Variants in GLG1 observed in about 807,000 individuals in gnomAD.
GLG1 encodes the protein Golgi apparatus protein 1.
In GLG1, 38 loss-of-function variants were observed where a neutral mutation model predicts 160.5. The observed-to-expected ratio is 0.24, with a 90% CI of 0.18 to 0.31. The LOEUF (loss-of-function observed/expected upper bound fraction) is 0.31. GLG1 is among the 10% of genes least tolerant of loss of function. The pLI, the probability that GLG1 is intolerant of heterozygous loss-of-function variation, is 1.00. For synonymous variants in GLG1, 644 were observed against 543.4 expected, an observed-to-expected ratio of 1.19 and a Z score of -2.57; for missense variants, 1,373 against 1,505.2, an observed-to-expected ratio of 0.91 and a Z score of 1.45.
chr16:74,510,396 T>C (rs2016765780), intron 2 of GLG1, among the ~76,000 whole-genome samples: 1 of 152,228 alleles, frequency 6.6e-6, no homozygotes, highest in Non-Finnish European at 1.5e-5. Context: ...AAGCCTATTC[T>C]TGCAGATAAT....
At chr16:74,531,934 G>A (rs370016647) in intron 2 of GLG1, among the ~76,000 whole-genome samples, 187 bp downstream of exon 2, 7 of 152,284 alleles carry the variant, frequency 4.6e-5, no homozygotes, top group East Asian at 3.9e-4. Flanking sequence ...TTATTTGGGA[G>A]AACCTGCAGG....
chr16:74,472,348 C>T lies in GLG1; in HGVS notation c.2115+1G>A. On this transcript the variant is annotated splice_donor_variant, in intron 14 of 25. Transcript: ENST00000422840. LOFTEE classifies it high-confidence loss of function. The stretch of plus-strand genomic sequence containing the variant: ...CCCTTGCTCCTCCAGACATCACTTA[C>T]GTGGCAGAAGTTCTGAATTATGGGC... The T allele has an allele frequency of 6.2e-7, 1 of 1,606,792 alleles. No individual in the cohort carries two copies. Among genetic ancestry groups the T allele is most frequent in the Non-Finnish European group, 8.5e-7 (1 of 1,173,388 alleles).
chr16:74,485,042 G>T (rs2015742938), intron 9 of GLG1, among the ~76,000 whole-genome samples: 1 of 152,028 alleles, frequency 6.6e-6, no homozygotes. Flanking sequence ...ACCTCCCAAG[G>T]GGATGGGACT....
intron 2 of GLG1, among the ~76,000 whole-genome samples, chr16:74,527,300 A>T (rs1489590622): frequency 2.5e-5 from 3 of 120,234 alleles, no homozygotes; most frequent in African/African-American, 3.3e-5. Context: ...CCCAGGATGG[A>T]GTGCAATGGC....
chr16:74,544,939 T>A (rs2018004806), intron 1 of GLG1, among the ~76,000 whole-genome samples: 1 of 151,672 alleles, frequency 6.6e-6, no homozygotes, highest in Admixed American at 6.6e-5. Context: ...TAATTCTGCA[T>A]TGCCCCAATC....
At chr16:74,530,220 C>T (rs2143601199) in intron 2 of GLG1, among the ~76,000 whole-genome samples, 1 of 152,230 alleles carries the variant, frequency 6.6e-6, no homozygotes, top group Non-Finnish European at 1.5e-5. Flanking sequence ...ATAAATAATG[C>T]CACAACAAAT....
At chr16:74,563,964 C>T (rs1374219700) in intron 1 of GLG1, among the ~76,000 whole-genome samples, 3 of 152,102 alleles carry the variant, frequency 2.0e-5, no homozygotes, top group Non-Finnish European at 4.4e-5. Flanking sequence ...TGCTCTGTCA[C>T]CCAGGCCGGA....
At chr16:74,483,790 TG>T (rs1317915500) in intron 9 of GLG1, among the ~76,000 whole-genome samples, 1 of 151,988 alleles carries the variant, frequency 6.6e-6, no homozygotes, top group Non-Finnish European at 1.5e-5. Context: ...CCCGAGTAGC[TG>T]GGACTACAGG....
At chr16:74,593,161 T>C (rs562867469) in intron 1 of GLG1, among the ~76,000 whole-genome samples, 2 of 152,290 alleles carry the variant, frequency 1.3e-5, no homozygotes, top group Admixed American at 6.5e-5. Context: ...TAAATATTCC[T>C]TTATATATTA....
intron 1 of GLG1, among the ~76,000 whole-genome samples, chr16:74,556,012 A>C (rs781128172): frequency 6.6e-6 from 1 of 151,654 alleles, no homozygotes; most frequent in African/African-American, 2.4e-5. Context: ...GCCAATTTTT[A>C]ATTTTTTTGT....
intron 2 of GLG1, among the ~76,000 whole-genome samples, chr16:74,531,846 TA>T (rs1281836858): frequency 5.3e-5 from 8 of 152,344 alleles, no homozygotes; most frequent in African/African-American, 1.9e-4. Flanking sequence ...CAGGAAATTC[TA>T]AAGTTGTAAA....
chr16:74,490,346 AG>A (rs1313477621), intron 8 of GLG1, among the ~76,000 whole-genome samples: 1 of 152,218 alleles, frequency 6.6e-6, no homozygotes. Flanking sequence ...TGATAGAAAA[AG>A]GACTCCCACC....
intron 1 of GLG1, 131 bp from the exon 2 acceptor site, chr16:74,532,284 T>C (rs2017561995): frequency 1.2e-5 from 4 of 346,348 alleles, no homozygotes; most frequent in Non-Finnish European, 1.0e-5. Context: ...CAACCAAATA[T>C]GCTTCTTCAA....
chr16:74,458,245 G>C (rs2014640769), intron 23 of GLG1: 1 of 382,850 alleles, frequency 2.6e-6, no homozygotes, highest in African/African-American at 2.0e-5. Flanking sequence ...TGTAAGATCA[G>C]ATTTGTGTTT....
In GLG1 at chr16:74,606,662, T is replaced by G. The variant is rs1252351709; in HGVS notation, c.433A>C (p.Arg145=). ...GCTTCGTCCCACCTCCTCACCTCCC[T>G]CACATCCTGCAGGCACTCGAGCACC... is the stretch of plus-strand genomic sequence containing the variant. ...LAVLECLQDV[R]EPENEISSDC... The change falls in exon 1 of 26, where the codon AGG becomes CGG. Residue 145 remains arginine, a synonymous_variant. Coordinates refer to ENST00000422840, the MANE Select transcript of GLG1 (RefSeq NM_001145667.2). The G allele has an allele frequency of 6.4e-7, 1 of 1,568,006 alleles. No homozygotes were observed.
chr16:74,551,930 C>T (rs999147568), intron 1 of GLG1, among the ~76,000 whole-genome samples: 12 of 151,212 alleles, frequency 7.9e-5, no homozygotes, highest in Admixed American at 2.6e-4. Context: ...CGGAAGAAAA[C>T]GGCAAATATC....
chr16:74,593,424 C>T (rs950456246), intron 1 of GLG1, among the ~76,000 whole-genome samples: 2 of 142,574 alleles, frequency 1.4e-5, no homozygotes, highest in Admixed American at 7.7e-5. Context: ...AAGTGAAGTA[C>T]CAGAGCTTTT....
intron 9 of GLG1, among the ~76,000 whole-genome samples, chr16:74,483,937 G>C (rs1385481649): frequency 1.3e-5 from 2 of 152,120 alleles, no homozygotes; most frequent in African/African-American, 4.8e-5. Context: ...GGGATTACAG[G>C]CGTGAGCCAC....
chr16:74,461,466 C>CTTTTTTT lies in GLG1; in HGVS notation c.3036+621_3036+627dup, dbSNP rs34176824. 7.4e-5 allele frequency: 5 copies of CTTTTTTT among 67,120 alleles called. 1 individual carries two copies. Among genetic ancestry groups the CTTTTTTT allele is most frequent in the African/African-American group, 1.8e-4 (3 of 16,476 alleles). The allele number at this position is 67,120 out of a possible 1,614,324, so 4.2% of individuals were successfully genotyped here. On this transcript the variant is annotated intron_variant, in intron 22 of 25. Coordinates refer to ENST00000422840, the MANE Select transcript of GLG1 (RefSeq NM_001145667.2). ...ACAGGGGTGAACCACCTCGCCCGGG[C>CTTTTTTT]TTTTTTTTTTTTTTTTTTTTTTGAG...
Sources: allele counts gnomAD v4.1 joint callset (sites outside exome capture counted in the v4.1 genomes callset), GRCh38; gene constraint gnomAD v4.1.1; transcripts MANE v1.5; gene names NCBI Gene and HGNC (gene_info 2026-07-23, HGNC 2026-07-21).